The following HEATR4 variants were observed in gnomAD, a reference collection of about 807,000 sequenced individuals.
HEATR4 encodes HEAT repeat-containing protein 4.
Under a neutral mutation model 108.8 loss-of-function variants are expected in HEATR4, and 95 were observed. That is an observed-to-expected ratio of 0.87 (90% CI 0.74 to 1.04). The LOEUF (loss-of-function observed/expected upper bound fraction) is 1.04, where lower values mean the gene tolerates loss of function less well. HEATR4 is among the 50% of genes least tolerant of loss of function. The pLI is 0.00. For missense variants in HEATR4, 1,152 were observed against 1,253.8 expected (o/e 0.92, Z 1.23); for synonymous variants, 443 against 459.4 (o/e 0.96, Z 0.46).
chr14:73,507,946 A>G lies in HEATR4; in HGVS notation c.1881+188T>C, dbSNP rs146969108. On this transcript the variant is annotated intron_variant, in intron 9 of 17. Coordinates refer to ENST00000553558, the MANE Select transcript of HEATR4 (RefSeq NM_001220484.1). ...TTTTAGTAGAGATGAGGTTTCACCC[A>G]TGTTGGCCAGTCTGGTCTCGAACTC... 9.9e-4 allele frequency among the ~76,000 whole-genome samples: 151 copies of G among 152,236 alleles called. No individual in the cohort carries two copies. In the East Asian group the frequency reaches 0.017, roughly 17 times the overall value.
intron 16 of HEATR4, 131 bp from the exon 17 acceptor site, chr14:73,493,255 G>A: frequency 1.4e-6 from 1 of 708,176 alleles, no homozygotes; most frequent in South Asian, 1.9e-5. Flanking sequence ...CGTTCTGCTT[G>A]AGACAGATAT....
At chr14:73,484,599 C>G (rs1026622500) in intron 17 of HEATR4, among the ~76,000 whole-genome samples, 1 of 151,874 alleles carries the variant, frequency 6.6e-6, no homozygotes, top group Non-Finnish European at 1.5e-5. Flanking sequence ...AGGCTGGTCT[C>G]GAACTCCTGG....
rs57839054 is a variant in HEATR4 at position 73,542,403 on chromosome 14, C to CTT, written c.-151-12161_-151-12160dup. On this transcript the variant is annotated intron_variant, in intron 1 of 17. Coordinates refer to ENST00000553558, the MANE Select transcript of HEATR4 (RefSeq NM_001220484.1). ...TTAAATTCCAGTATGTTTTTTCTTT[C>CTT]TTTTTTTTTTTTTTTTTTTAAGACG... Among the ~76,000 whole-genome samples, 14 of 83,466 alleles carry CTT rather than the reference C, an allele frequency of 1.7e-4. 2 individuals are homozygous for CTT. The highest frequency in any genetic ancestry group is 2.0e-4 in the African/African-American group (5 of 24,610). The allele number at this position is 83,466 out of a possible 152,430, so 54.8% of individuals were successfully genotyped here.
intron 17 of HEATR4, among the ~76,000 whole-genome samples, chr14:73,484,045 C>T (rs12589431): frequency 0.35 from 52,915 of 151,518 alleles, 9,543 homozygotes; most frequent in East Asian, 0.5. Flanking sequence ...TCAGTAGAGA[C>T]GGGGTTTTAC....
chr14:73,538,349 C>A lies in HEATR4; in HGVS notation c.-151-8105G>T, dbSNP rs182780820. 4.7e-3 allele frequency among the ~76,000 whole-genome samples: 538 copies of A among 114,444 alleles called. 120 individuals are homozygous for A. The highest frequency in any genetic ancestry group is 0.014 in the African/African-American group (477 of 35,174). 75.1% of individuals were successfully genotyped at this position (114,444 alleles called of 152,430 possible). On this transcript the variant is annotated intron_variant, in intron 1 of 17. Transcript: ENST00000553558. ...ATTGTAAGGGCTGGGCGCGCTGGCTCACGCCTGTAATCCCAGCACTTTGAG... is the reference window on the plus strand; with the variant it reads ...ATTGTAAGGGCTGGGCGCGCTGGCTAACGCCTGTAATCCCAGCACTTTGAG...
intron 2 of HEATR4, among the ~76,000 whole-genome samples, chr14:73,529,832 C>T (rs1357100619): frequency 6.6e-6 from 1 of 151,196 alleles, no homozygotes; most frequent in African/African-American, 2.4e-5. Flanking sequence ...GCCTTAGTAT[C>T]AGTATCTTCT....
At chr14:73,496,954 G>A (rs947310718) in intron 14 of HEATR4, among the ~76,000 whole-genome samples, 2 of 152,158 alleles carry the variant, frequency 1.3e-5, no homozygotes, top group Non-Finnish European at 2.9e-5. Context: ...GCAATGGCAC[G>A]ATCTCGTCTC....
chr14:73,620,219 T>A, the HEATR4 span, among the ~76,000 whole-genome samples: 2 of 152,048 alleles, frequency 1.3e-5, no homozygotes, highest in Non-Finnish European at 2.9e-5. Flanking sequence ...CCAGCCTGTG[T>A]TGGGTTTCCC....
At chr14:73,586,342 C>T in the HEATR4 span, among the ~76,000 whole-genome samples, 6 of 151,858 alleles carry the variant, frequency 4.0e-5, no homozygotes, top group East Asian at 1.9e-4. Context: ...TGCCGTGAGC[C>T]GAGATCACGC....
intron 17 of HEATR4, among the ~76,000 whole-genome samples, chr14:73,486,002 C>T (rs960441032): frequency 3.3e-5 from 5 of 152,198 alleles, no homozygotes; most frequent in African/African-American, 4.8e-5. Context: ...GTGTTAGCCA[C>T]TGCACCTGGC....
intron 15 of HEATR4, among the ~76,000 whole-genome samples, chr14:73,496,125 C>T (rs577076344): frequency 3.0e-4 from 46 of 151,910 alleles, no homozygotes; most frequent in African/African-American, 9.4e-4. Context: ...GCGAGACTGT[C>T]CCCCCCTCAA....
At chr14:73,595,620 G>C in the HEATR4 span, 1 of 1,534,558 alleles carries the variant, frequency 6.5e-7, no homozygotes, top group Non-Finnish European at 8.8e-7. Flanking sequence ...AAACACCTGG[G>C]AGGTACCCAG....
chr14:73,626,417 C>G, the HEATR4 span, among the ~76,000 whole-genome samples: 3 of 152,154 alleles, frequency 2.0e-5, no homozygotes, highest in Admixed American at 6.6e-5. Flanking sequence ...GAGCAAGGCC[C>G]TAATTCTCTT....
At chr14:73,520,762 T>A in intron 4 of HEATR4, 90 bp downstream of exon 4, 1 of 1,235,608 alleles carries the variant, frequency 8.1e-7, no homozygotes, top group Non-Finnish European at 1.2e-6. Flanking sequence ...CTCTTGTCCA[T>A]ACCCACAACT....
chr14:73,579,286 A>C, the HEATR4 span, among the ~76,000 whole-genome samples: 8 of 137,684 alleles, frequency 5.8e-5, no homozygotes, highest in South Asian at 9.2e-4. Context: ...AAAAAAAAAA[A>C]AAAAAAAACG....
At chr14:73,520,718 G>A in intron 4 of HEATR4, 134 bp downstream of exon 4, 1 of 770,864 alleles carries the variant, frequency 1.3e-6, no homozygotes, top group Non-Finnish European at 2.2e-6. Context: ...GTGGGTGCTG[G>A]GTCATGAACA....
rs1162594938 is a variant in HEATR4 at position 73,552,983 on chromosome 14, G to A, written c.-152+5768C>T. On this transcript the variant is annotated intron_variant, in intron 1 of 17. Transcript: ENST00000553558. The stretch of plus-strand genomic sequence containing the variant: ...TCCCCGACCCAAGCACACACTATTC[G>A]GCATTCCTGACTCCCACTGTTCCTG... Among the ~76,000 whole-genome samples, 34 of 114,246 alleles carry A rather than the reference G, an allele frequency of 3.0e-4. 11 individuals carry two copies. The highest frequency in any genetic ancestry group is 5.2e-4 in the Non-Finnish European group (27 of 51,900). 74.9% of individuals were successfully genotyped at this position (114,246 alleles called of 152,430 possible).
chr14:73,488,744 C>T (rs571888033), intron 17 of HEATR4, among the ~76,000 whole-genome samples: 16 of 149,718 alleles, frequency 1.1e-4, no homozygotes, highest in African/African-American at 3.4e-4. Context: ...AAGAGACAGT[C>T]GGGCACCGCG....
chr14:73,606,393 A>C, the HEATR4 span, among the ~76,000 whole-genome samples: 44 of 152,180 alleles, frequency 2.9e-4, no homozygotes, highest in South Asian at 4.8e-3. Context: ...ACAAAAAAAA[A>C]AAAAACTGTG....
Sources: allele counts gnomAD v4.1 joint callset (sites outside exome capture counted in the v4.1 genomes callset), GRCh38; gene constraint gnomAD v4.1.1; transcripts MANE v1.5; gene names NCBI Gene and HGNC (gene_info 2026-07-23, HGNC 2026-07-21).